CRACD: variants seen among roughly 807,000 people sequenced by gnomAD.
CRACD encodes capping protein inhibiting regulator of actin dynamics.
A neutral mutation model predicts 106.8 loss-of-function variants in CRACD; 56 were observed. That is an observed-to-expected ratio of 0.52 (90% CI 0.42 to 0.66). CRACD has a LOEUF of 0.66. Ranked by LOEUF, CRACD falls within the 30% of genes least tolerant of loss-of-function variation. The pLI, the probability that CRACD is intolerant of heterozygous loss-of-function variation, is 0.00. For synonymous variants in CRACD, 754 were observed against 670.8 expected, an observed-to-expected ratio of 1.12 and a Z score of -1.92; for missense variants, 1,730 against 1,623.2, an observed-to-expected ratio of 1.07 and a Z score of -1.13.
intron 1 of CRACD, among the ~76,000 whole-genome samples, chr4:56,070,631 C>G (rs1008237434): frequency 6.6e-6 from 1 of 152,284 alleles, no homozygotes; most frequent in South Asian, 2.1e-4. Flanking sequence ...CCTGAGAATT[C>G]TTTCCTGACT....
chr4:56,260,802 C>T (rs1002208941), intron 2 of CRACD, among the ~76,000 whole-genome samples: 2 of 152,144 alleles, frequency 1.3e-5, no homozygotes, highest in Non-Finnish European at 2.9e-5. Context: ...TCAGACTTGC[C>T]TAGCCTGGCC....
In CRACD at chr4:56,290,221, A is replaced by AT. The variant is rs1325049173; in HGVS notation, c.-16-7991dup. On this transcript the variant is annotated intron_variant, in intron 3 of 10. Transcript: ENST00000682029. ...TCCAGTCTTCTGCATGAGTTTTTACATTGTCTTTGAAGGATTTCTGAAAGT... is the reference window on the plus strand; with the variant it reads ...TCCAGTCTTCTGCATGAGTTTTTACATTTGTCTTTGAAGGATTTCTGAAAGT... Among the ~76,000 whole-genome samples, 4 of 152,220 alleles carry AT rather than the reference A, an allele frequency of 2.6e-5. No homozygotes were observed. The East Asian group carries it at 7.7e-4, about 29-fold the overall frequency.
chr4:56,059,582 A>G (rs755379428), intron 1 of CRACD, among the ~76,000 whole-genome samples: 11 of 152,222 alleles, frequency 7.2e-5, no homozygotes, highest in Admixed American at 2.6e-4. Context: ...TATACCATGT[A>G]TTGGGTACCA....
intron 1 of CRACD, among the ~76,000 whole-genome samples, chr4:56,155,927 T>C (rs1735748802): frequency 6.6e-6 from 1 of 152,206 alleles, no homozygotes; most frequent in Non-Finnish European, 1.5e-5. Context: ...CATTCTGATT[T>C]GTGAACCTAT....
chr4:56,313,408 G>A (rs1047821385), intron 7 of CRACD, 29 bp downstream of exon 7: 16 of 1,591,328 alleles, frequency 1.0e-5, no homozygotes, highest in Non-Finnish European at 1.4e-5. Flanking sequence ...GGCTGACCAG[G>A]CAGGTGCCCT....
chr4:56,304,713 T>C (rs1744579188), intron 4 of CRACD, among the ~76,000 whole-genome samples: 1 of 152,084 alleles, frequency 6.6e-6, no homozygotes, highest in African/African-American at 2.4e-5. Context: ...GCCCAGGAGT[T>C]TGAGGCTGCA....
chr4:56,236,802 G>T (rs1428442180), intron 2 of CRACD, among the ~76,000 whole-genome samples: 3 of 149,630 alleles, frequency 2.0e-5, no homozygotes, highest in African/African-American at 4.9e-5. Flanking sequence ...AAAGCCAACA[G>T]AAAAAAATAT....
At chr4:56,324,031 A>C (rs1256417721) in intron 9 of CRACD, 73 bp from the exon 10 acceptor site, 10 of 1,503,732 alleles carry the variant, frequency 6.7e-6, no homozygotes, top group Non-Finnish European at 9.0e-6. Context: ...AGAGGCCCCG[A>C]AGGCCTGCAG....
chr4:56,104,696 C>G (rs1036835676), intron 1 of CRACD, among the ~76,000 whole-genome samples: 2 of 152,020 alleles, frequency 1.3e-5, no homozygotes, highest in African/African-American at 2.4e-5. Context: ...GGCCGGGCGC[C>G]GTGGCTCACG....
intron 2 of CRACD, among the ~76,000 whole-genome samples, chr4:56,236,738 TAA>T (rs1276062786): frequency 7.6e-6 from 1 of 132,312 alleles, no homozygotes. Flanking sequence ...TTTCAAAGAC[TAA>T]AAAAAAAAAA....
chr4:56,172,018 C>CTATTTTTTTTTT (rs1736388327), intron 1 of CRACD, among the ~76,000 whole-genome samples: 2 of 37,070 alleles, frequency 5.4e-5, no homozygotes, highest in Admixed American at 3.3e-4. Context: ...TTGAGGGTTT[C>CTATTTTTTTTTT]TCTTTTTTTT....
intron 2 of CRACD, among the ~76,000 whole-genome samples, chr4:56,253,584 G>A (rs1384552676): frequency 1.3e-5 from 2 of 152,288 alleles, no homozygotes; most frequent in East Asian, 1.9e-4. Flanking sequence ...AAATGTCATC[G>A]TTTGAGCCAC....
intron 1 of CRACD, among the ~76,000 whole-genome samples, chr4:56,134,625 T>C (rs143473265): frequency 2.6e-5 from 4 of 152,308 alleles, no homozygotes; most frequent in Middle Eastern, 3.4e-3. Flanking sequence ...GGAGGAGATA[T>C]GAGTAATGAT....
At chr4:56,095,345 G>A (rs925012616) in intron 1 of CRACD, among the ~76,000 whole-genome samples, 3 of 152,180 alleles carry the variant, frequency 2.0e-5, no homozygotes, top group Admixed American at 1.3e-4. Context: ...GGAATCAAGA[G>A]CATGCAGTTT....
chr4:56,216,537 C>T (rs1453142877), intron 2 of CRACD, among the ~76,000 whole-genome samples: 1 of 152,094 alleles, frequency 6.6e-6, no homozygotes, highest in African/African-American at 2.4e-5. Context: ...CCGATCTATT[C>T]AAGACCAAAT....
At chr4:56,219,836 G>A (rs1187778987) in intron 2 of CRACD, among the ~76,000 whole-genome samples, 3 of 152,178 alleles carry the variant, frequency 2.0e-5, no homozygotes, top group African/African-American at 7.2e-5. Flanking sequence ...TAATGATTTA[G>A]GTCAATGCTT....
intron 1 of CRACD, among the ~76,000 whole-genome samples, chr4:56,054,221 C>A (rs1731974121): frequency 6.6e-6 from 1 of 152,134 alleles, no homozygotes; most frequent in South Asian, 2.1e-4. Flanking sequence ...TGCTCTGTCA[C>A]CCAGGCTGGA....
At chr4:56,244,128 G>A (rs933578984) in intron 2 of CRACD, among the ~76,000 whole-genome samples, 2 of 152,144 alleles carry the variant, frequency 1.3e-5, no homozygotes, top group Admixed American at 6.5e-5. Flanking sequence ...CTAGTCTAAC[G>A]TTCTGGGAAC....
chr4:56,288,457 T>A lies in CRACD; in HGVS notation c.-16-9757T>A, dbSNP rs142013292. On this transcript the variant is annotated intron_variant, in intron 3 of 10. Transcript: ENST00000682029. The stretch of plus-strand genomic sequence containing the variant: ...GTTCCCAAGACTTGGTTCCCACTTA[T>A]AAGTGAGAACATACGATATTTAGTT... The A allele has an allele frequency of 1.1e-3, 169 of 158,112 alleles. No homozygotes were observed. The East Asian group carries it at 0.024, about 22-fold the overall frequency. The allele number at this position is 158,112 out of a possible 1,614,324, so 9.8% of individuals were successfully genotyped here. A position where few individuals can be genotyped will look rare whatever the true frequency, so the allele number is the denominator to read the frequency against.
Sources: allele counts gnomAD v4.1 joint callset (sites outside exome capture counted in the v4.1 genomes callset), GRCh38; gene constraint gnomAD v4.1.1; transcripts MANE v1.5; gene names NCBI Gene and HGNC (gene_info 2026-07-23, HGNC 2026-07-21).